Variants in DNAJB1 observed in about 807,000 individuals in gnomAD.
DNAJB1 encodes the protein DnaJ heat shock protein family (Hsp40) member B1.
DNAJB1 carries 14 observed loss-of-function variants against 24.0 expected under a neutral mutation model. The ratio of observed to expected loss-of-function variants is 0.58; its 90% CI spans 0.39 to 0.91. The LOEUF is 0.91. Ranked by LOEUF, DNAJB1 falls within the 40% of genes least tolerant of loss-of-function variation. The pLI is 0.00. For missense variants in DNAJB1, 517 were observed against 458.1 expected, an observed-to-expected ratio of 1.13 and a Z score of -1.17; for synonymous variants, 262 against 174.4, an observed-to-expected ratio of 1.50 and a Z score of -3.96.
upstream of DNAJB1, chr19:14,530,955 C>T (rs1488753876): frequency 1.3e-5 from 2 of 152,324 alleles, no homozygotes; most frequent in African/African-American, 4.8e-5. Context: ...CCACCTCCAC[C>T]TCTGGCAGCC....
chr19:14,530,560 G>T (rs193025742), upstream of DNAJB1: 1 of 152,206 alleles, frequency 6.6e-6, no homozygotes, highest in African/African-American at 2.4e-5. Flanking sequence ...CCTTGTATAA[G>T]AACTATTATT....
chr19:14,552,133 CTGGCCTTTTTCTTTTCTTTCT>C (rs1471787586), upstream of DNAJB1, among the ~76,000 whole-genome samples: 1 of 150,824 alleles, frequency 6.6e-6, no homozygotes, highest in East Asian at 1.9e-4. Flanking sequence ...GCCACCGCGC[CTGGCCTTTTTCTTTTCTTTCT>C]TTCTTTCTTT....
intron 1 of DNAJB1, among the ~76,000 whole-genome samples, chr19:14,559,741 C>T (rs991923237): frequency 6.6e-6 from 1 of 151,364 alleles, no homozygotes; most frequent in Non-Finnish European, 1.5e-5. Context: ...GAGTCAAGAT[C>T]GCACTGCTGC....
upstream of DNAJB1, chr19:14,529,709 G>A: frequency 6.2e-7 from 1 of 1,614,136 alleles, no homozygotes. Context: ...GAAGCATTAC[G>A]AGGTAAGAAG....
At chr19:14,549,211 C>CTATT (rs2073405931) in intron 1 of DNAJB1, among the ~76,000 whole-genome samples, 1 of 111,162 alleles carries the variant, frequency 9.0e-6, no homozygotes, top group Admixed American at 1.0e-4. Flanking sequence ...TTTAATTGGA[C>CTATT]TTTTTTTTTT....
At chr19:14,546,831 A>G (rs1039305517) in intron 1 of DNAJB1, among the ~76,000 whole-genome samples, 1 of 152,126 alleles carries the variant, frequency 6.6e-6, no homozygotes, top group Non-Finnish European at 1.5e-5. Flanking sequence ...CTGGGACTAC[A>G]GGTGCACACC....
upstream of DNAJB1, among the ~76,000 whole-genome samples, chr19:14,522,683 GACACACACACACACACAC>G (rs56121204): frequency 7.6e-5 from 9 of 117,870 alleles, no homozygotes; most frequent in African/African-American, 2.1e-4. Context: ...CACACACACA[GACACACACACACACACAC>G]ACACACACAC....
rs773831291 is a variant in DNAJB1, at chr19:14,518,194, G to GT, written c.155dup (p.Tyr52Ter). ...GCTTGCGCGGGTCGCTGAGCACGTCGTAGGCCTCAGCGATCTCCTTGAACT... is the reference window on the plus strand; with the variant it reads ...GCTTGCGCGGGTCGCTGAGCACGTCGTTAGGCCTCAGCGATCTCCTTGAACT... The part of the protein sequence containing the change: ...EEKFKEIAEA[Y>*]DVLSDPRKRE... Residue 52 changes from tyrosine to a stop codon, truncating the protein, a stop_gained and frameshift_variant, in exon 1 of 3, where the codon TAC becomes TAAC. Coordinates refer to ENST00000254322, the MANE Select transcript of DNAJB1 (RefSeq NM_006145.3). LOFTEE classifies it high-confidence loss of function. The GT allele has an allele frequency of 1.3e-5, 21 of 1,606,592 alleles. No homozygotes were observed. The highest frequency in any genetic ancestry group is 1.8e-5 in the Non-Finnish European group (21 of 1,177,056).
rs371527318 is a variant in DNAJB1, at chr19:14,540,057, T to A, written c.-214+10151A>T. On this transcript the variant is annotated intron_variant, in intron 1 of 3. Transcript: ENST00000676982. ...ACCATGCCTGGCTAATTTTTGAATTTATTTAATTTTTTTTTTTTTTGAGAC... is the reference window on the plus strand; with the variant it reads ...ACCATGCCTGGCTAATTTTTGAATTAATTTAATTTTTTTTTTTTTTGAGAC... Among the ~76,000 whole-genome samples the A allele has an allele frequency of 5.1e-4, 72 of 141,946 alleles. No individual in the cohort carries two copies. The South Asian group carries it at 0.01, about 20-fold the overall frequency. The allele number at this position is 141,946 out of a possible 152,430, so 93.1% of individuals were successfully genotyped here.
chr19:14,523,620 G>GTT (rs201229670), intron 2 of DNAJB1, among the ~76,000 whole-genome samples: 7 of 116,348 alleles, frequency 6.0e-5, no homozygotes, highest in South Asian at 2.8e-4. Context: ...CCTTGTTTTT[G>GTT]TTTTTTTTTT....
chr19:14,516,326 C>T (rs2072261033), intron 2 of DNAJB1, 140 bp downstream of exon 2: 7 of 1,250,064 alleles, frequency 5.6e-6, no homozygotes, highest in Admixed American at 5.1e-5. Flanking sequence ...TCCACAACAG[C>T]GCCCTGGTCA....
intron 1 of DNAJB1, among the ~76,000 whole-genome samples, chr19:14,559,527 C>T (rs1014497829): frequency 6.6e-5 from 10 of 150,588 alleles, no homozygotes; most frequent in Admixed American, 3.9e-4. Context: ...GTGGCTCACG[C>T]CTATAATCCT....
At position 14,556,869 on chromosome 19, in the gene DNAJB1, A is replaced by G. The variant is rs566036428; in HGVS notation, c.-2165-2551T>C. 1.6e-3 allele frequency among the ~76,000 whole-genome samples: 248 copies of G among 152,260 alleles called. 2 individuals carry two copies. Among genetic ancestry groups the G allele is most frequent in the African/African-American group, 4.4e-3 (183 of 41,552 alleles). ...GTCGCAGCCTCCGCCGCTTGCAGCC[A>G]GTCATCCCGGTGGTGACGGGTCAGC... is the stretch of plus-strand genomic sequence containing the variant. On this transcript the variant is annotated intron_variant, in intron 1 of 5. Transcript: ENST00000679223.
rs1429928259 is a variant in DNAJB1 at position 14,515,183 on chromosome 19, C to G, written c.*757G>C. The stretch of plus-strand genomic sequence containing the variant: ...AAAAATTACCTGGGCCACTGGTAAG[C>G]CCCACGTGTGCCAAGATTGCCTTAC... On this transcript the variant is annotated 3_prime_UTR_variant, in exon 3 of 3. Coordinates refer to ENST00000254322, the MANE Select transcript of DNAJB1 (RefSeq NM_006145.3). 1 of 152,606 alleles carries G rather than the reference C, an allele frequency of 6.6e-6. No homozygotes were observed. The highest frequency in any genetic ancestry group is 1.5e-5 in the Non-Finnish European group (1 of 68,058). 9.5% of individuals were successfully genotyped at this position (152,606 alleles called of 1,614,324 possible). A position where few individuals can be genotyped will look rare whatever the true frequency, so the allele number is the denominator to read the frequency against.
Position 14,518,145 on chromosome 19 carries a change from C to T in DNAJB1, c.205G>A (p.Glu69Lys). The T allele has an allele frequency of 1.3e-6, 2 of 1,567,488 alleles. No homozygotes were observed. The highest frequency in any genetic ancestry group is 1.7e-6 in the Non-Finnish European group (2 of 1,158,236). ...RKREIFDRYG[E>K]EGLKGSGPSG... ...CCTGGCCGCGAGCACACACCTTCCT[C>T]CCCGTAGCGGTCGAAGATCTCGCGC... Residue 69 changes from glutamate (E) to lysine (K), a missense_variant, in exon 1 of 3, where the codon GAG becomes AAG. Coordinates refer to ENST00000254322, the MANE Select transcript of DNAJB1 (RefSeq NM_006145.3).
chr19:14,558,645 G>A (rs369651479), intron 1 of DNAJB1, among the ~76,000 whole-genome samples: 4 of 152,280 alleles, frequency 2.6e-5, no homozygotes, highest in Admixed American at 6.5e-5. Context: ...CTCCCTGCCC[G>A]TCGTGCCTGA....
rs1426792167 is a variant in DNAJB1, at chr19:14,515,830, A to G, written c.*110T>C. 1 of 1,010,708 alleles carries G rather than the reference A, an allele frequency of 9.9e-7. No homozygotes were observed. Among genetic ancestry groups the G allele is most frequent in the Non-Finnish European group, 1.5e-6 (1 of 670,238 alleles). The allele number at this position is 1,010,708 out of a possible 1,614,324, so 62.6% of individuals were successfully genotyped here. On this transcript the variant is annotated 3_prime_UTR_variant, in exon 3 of 3. Coordinates refer to ENST00000254322, the MANE Select transcript of DNAJB1 (RefSeq NM_006145.3). ...CTCTGGAAAACATTCAGCAGTACGA[A>G]AGCCCTCCCTGGGCCCTCCCACCCT...
upstream of DNAJB1, among the ~76,000 whole-genome samples, chr19:14,550,761 A>G (rs1046560516): frequency 1.3e-5 from 2 of 151,998 alleles, no homozygotes; most frequent in Admixed American, 6.6e-5. Flanking sequence ...GCTCACTGCA[A>G]CCTTCACCTC....
chr19:14,555,005 T>A (rs2073668625), upstream of DNAJB1, among the ~76,000 whole-genome samples: 1 of 151,812 alleles, frequency 6.6e-6, no homozygotes, highest in African/African-American at 2.4e-5. Flanking sequence ...TCTTGATCTC[T>A]TGACCTTGTG....
Sources: allele counts gnomAD v4.1 joint callset (sites outside exome capture counted in the v4.1 genomes callset), GRCh38; gene constraint gnomAD v4.1.1; transcripts MANE v1.5; gene names NCBI Gene and HGNC (gene_info 2026-07-23, HGNC 2026-07-21).